MYO5B: variants seen among roughly 807,000 people sequenced by gnomAD.
MYO5B encodes the protein unconventional myosin-Vb.
In MYO5B, 143 loss-of-function variants were observed where a neutral mutation model predicts 229.3. The observed-to-expected ratio is 0.62, with a 90% confidence interval of 0.54 to 0.72. MYO5B has a LOEUF of 0.72. MYO5B is among the 30% of genes least tolerant of loss of function. The pLI, the probability that MYO5B is intolerant of heterozygous loss-of-function variation, is 0.00. For synonymous variants in MYO5B, 918 were observed against 885.2 expected, an observed-to-expected ratio of 1.04 and a Z score of -0.66; for missense variants, 2,321 against 2,331.0, an observed-to-expected ratio of 1.00 and a Z score of 0.09.
rs1974411 is a variant in MYO5B at position 49,952,001 on chromosome 18, C to T, written c.1752+1259G>A. ...ACTCCAAAGTGATATTCACTTTTACCCACGGCCAATTTGTCCCAGTGATGA... is the reference window on the plus strand; with the variant it reads ...ACTCCAAAGTGATATTCACTTTTACTCACGGCCAATTTGTCCCAGTGATGA... On this transcript the variant is annotated intron_variant, in intron 14 of 39. Transcript: ENST00000285039. 4.7e-3 allele frequency among the ~76,000 whole-genome samples: 716 copies of T among 152,216 alleles called. 6 individuals are homozygous for T. The highest frequency in any genetic ancestry group is 0.016 in the African/African-American group (672 of 41,524).
At chr18:50,074,119 G>T (rs1458877368) in intron 1 of MYO5B, among the ~76,000 whole-genome samples, 1 of 152,140 alleles carries the variant, frequency 6.6e-6, no homozygotes, top group African/African-American at 2.4e-5. Context: ...GGCTGGGGAG[G>T]CTCAGAATCA....
chr18:49,950,924 G>T (rs1419484804), intron 14 of MYO5B, among the ~76,000 whole-genome samples: 3 of 152,148 alleles, frequency 2.0e-5, no homozygotes, highest in South Asian at 4.1e-4. Context: ...TCCCTGATAA[G>T]AACAGTTCAC....
At chr18:50,057,897 A>T (rs1210907584) in intron 1 of MYO5B, among the ~76,000 whole-genome samples, 3 of 152,072 alleles carry the variant, frequency 2.0e-5, no homozygotes, top group African/African-American at 7.2e-5. Context: ...TTACTCTTCC[A>T]TTCCTGCAAC....
At chr18:50,192,851 T>C (rs919959269) in intron 1 of MYO5B, among the ~76,000 whole-genome samples, 5 of 152,222 alleles carry the variant, frequency 3.3e-5, no homozygotes, top group Non-Finnish European at 5.9e-5. Flanking sequence ...CTTAAAAAAG[T>C]GTCTTGAACT....
At chr18:50,119,968 T>C (rs2032030551) in intron 1 of MYO5B, among the ~76,000 whole-genome samples, 1 of 151,688 alleles carries the variant, frequency 6.6e-6, no homozygotes. Context: ...GCTCCAAAGT[T>C]GAATATTGTG....
At chr18:49,880,507 G>T in intron 22 of MYO5B, 52 bp from the exon 23 acceptor site, 1 of 1,379,176 alleles carries the variant, frequency 7.3e-7, no homozygotes, top group South Asian at 1.2e-5. Flanking sequence ...GAAGAGGAGA[G>T]GCTCCTCTTG....
intron 14 of MYO5B, among the ~76,000 whole-genome samples, chr18:49,947,862 A>G (rs953141032): frequency 1.3e-4 from 20 of 152,116 alleles, no homozygotes; most frequent in African/African-American, 4.1e-4. Context: ...GCATGAAAAA[A>G]CTTTGTAAAG....
intron 2 of MYO5B, among the ~76,000 whole-genome samples, chr18:50,041,659 T>A (rs1166180098): frequency 6.6e-6 from 1 of 152,122 alleles, no homozygotes; most frequent in Non-Finnish European, 1.5e-5. Flanking sequence ...TAAGTTTAGA[T>A]AGAACAAACA....
At chr18:50,063,054 G>T (rs1568091731) in intron 1 of MYO5B, among the ~76,000 whole-genome samples, 1 of 152,252 alleles carries the variant, frequency 6.6e-6, no homozygotes, top group East Asian at 1.9e-4. Flanking sequence ...TACTATGGCA[G>T]GACTCAGGCC....
intron 12 of MYO5B, among the ~76,000 whole-genome samples, chr18:49,957,026 A>C (rs1272689564): frequency 6.6e-6 from 1 of 151,590 alleles, no homozygotes; most frequent in African/African-American, 2.4e-5. Context: ...CATACTAAAA[A>C]CCACCAAATT....
chr18:50,117,767 G>A (rs776123327), intron 1 of MYO5B, among the ~76,000 whole-genome samples: 1 of 152,068 alleles, frequency 6.6e-6, no homozygotes, highest in East Asian at 1.9e-4. Flanking sequence ...TGATTTTGTT[G>A]CTAAAAACAT....
chr18:50,030,197 C>G (rs2026372184), intron 4 of MYO5B, among the ~76,000 whole-genome samples: 1 of 152,154 alleles, frequency 6.6e-6, no homozygotes, highest in Non-Finnish European at 1.5e-5. Context: ...GCATTCCATC[C>G]CCATCATTAG....
At chr18:50,048,881 G>C (rs1354789661) in intron 2 of MYO5B, among the ~76,000 whole-genome samples, 1 of 152,082 alleles carries the variant, frequency 6.6e-6, no homozygotes, top group African/African-American at 2.4e-5. Context: ...AAATTAGCTG[G>C]CGTGGTGGCA....
At chr18:50,006,484 CAA>C (rs1319231424) in intron 4 of MYO5B, among the ~76,000 whole-genome samples, 3 of 152,208 alleles carry the variant, frequency 2.0e-5, no homozygotes, top group African/African-American at 7.2e-5. Context: ...AGGACTCAGA[CAA>C]GAGTACAGGA....
rs147644001 is a variant in MYO5B, at chr18:49,928,073, A to G, written c.2090+1439T>C. On this transcript the variant is annotated intron_variant, in intron 17 of 39. Coordinates refer to ENST00000285039, the MANE Select transcript of MYO5B (RefSeq NM_001080467.3). ...AAACCATCCCGTCAAAAAGTGGGCTAAGGACATGAGAAAATAATTCCCAAA... is the reference window on the plus strand; with the variant it reads ...AAACCATCCCGTCAAAAAGTGGGCTGAGGACATGAGAAAATAATTCCCAAA... Among the ~76,000 whole-genome samples the G allele has an allele frequency of 3.3e-3, 500 of 152,346 alleles. 5 individuals are homozygous for G. The highest frequency in any genetic ancestry group is 0.01 in the African/African-American group (429 of 41,584).
intron 1 of MYO5B, among the ~76,000 whole-genome samples, chr18:50,092,305 A>C (rs1342567193): frequency 2.0e-5 from 3 of 152,218 alleles, no homozygotes; most frequent in Admixed American, 6.5e-5. Context: ...TAAACCAAGA[A>C]ACAGTGATGG....
chr18:50,004,676 G>A (rs779366666), intron 4 of MYO5B, among the ~76,000 whole-genome samples: 20 of 152,222 alleles, frequency 1.3e-4, no homozygotes, highest in Non-Finnish European at 2.6e-4. Context: ...GCTGAGGCAG[G>A]AGGATCATGA....
At chr18:50,037,271 A>T (rs768947473) in intron 3 of MYO5B, among the ~76,000 whole-genome samples, 19 of 152,126 alleles carry the variant, frequency 1.2e-4, no homozygotes, top group Non-Finnish European at 2.5e-4. Context: ...AAATTGAGTT[A>T]ATAAAATAGA....
intron 2 of MYO5B, among the ~76,000 whole-genome samples, chr18:50,048,606 G>T (rs577607718): frequency 2.0e-5 from 3 of 152,220 alleles, no homozygotes; most frequent in African/African-American, 7.2e-5. Flanking sequence ...TAATCACAGG[G>T]TCCCACTGAA....
Sources: allele counts gnomAD v4.1 joint callset (sites outside exome capture counted in the v4.1 genomes callset), GRCh38; gene constraint gnomAD v4.1.1; transcripts MANE v1.5; gene names NCBI Gene and HGNC (gene_info 2026-07-23, HGNC 2026-07-21).